Variants in DMD observed in about 807,000 individuals in gnomAD.
The protein encoded by DMD is mutant dystrophin.
A neutral mutation model predicts 330.1 loss-of-function variants in DMD; 63 were observed. The observed-to-expected ratio is 0.19, with a 90% confidence interval of 0.16 to 0.24. DMD has a LOEUF of 0.24. DMD is among the 10% of genes least tolerant of loss of function. The pLI is 1.00. For synonymous variants in DMD, 1,223 were observed against 959.8 expected, an observed-to-expected ratio of 1.27 and a Z score of -5.07; for missense variants, 3,344 against 2,684.1, an observed-to-expected ratio of 1.25 and a Z score of -5.43.
chrX:31,798,024 T>C (rs1002563265), intron 50 of DMD, among the ~76,000 whole-genome samples: 3 of 112,182 alleles, frequency 2.7e-5, no homozygotes, highest in Non-Finnish European at 3.8e-5. Flanking sequence ...TTTTTGCTTT[T>C]CTTTTATAGG....
rs180719577 is a variant in DMD at position 31,968,332 on chromosome X, G to A, written c.6614+7C>T. The A allele has an allele frequency of 1.1e-4, 128 of 1,207,069 alleles. No homozygotes were observed. The Middle Eastern group carries it at 1.2e-3, about 11-fold the overall frequency. ...TGTTTTCATTCCTATTAGATCTGTC[G>A]CCCTACCTCTTTTTTCTGTCTGACA... is the stretch of plus-strand genomic sequence containing the variant. On this transcript the variant is annotated splice_region_variant and intron_variant, in intron 45 of 78. Transcript: ENST00000357033.
At chrX:31,883,555 T>C (rs2094107311) in intron 47 of DMD, among the ~76,000 whole-genome samples, 2 of 111,697 alleles carry the variant, frequency 1.8e-5, no homozygotes, top group African/African-American at 6.5e-5. Flanking sequence ...ATGCTACTTC[T>C]ATGAATTTTC....
chrX:33,162,150 A>G (rs2048801141), intron 1 of DMD, among the ~76,000 whole-genome samples: 1 of 112,082 alleles, frequency 8.9e-6, no homozygotes, highest in Non-Finnish European at 1.9e-5. Flanking sequence ...AATTTCAAAG[A>G]ATCTTATATT....
chrX:33,145,772 T>A (rs115729528), intron 1 of DMD, among the ~76,000 whole-genome samples: 1,955 of 110,830 alleles, frequency 0.018, 48 homozygotes, highest in African/African-American at 0.06. Flanking sequence ...TTTTTTAAAA[T>A]CATTTTATTG....
intron 7 of DMD, among the ~76,000 whole-genome samples, chrX:32,744,858 T>C (rs1466153560): frequency 8.9e-6 from 1 of 112,137 alleles, no homozygotes; most frequent in Non-Finnish European, 1.9e-5. Context: ...TTAGAAGAGA[T>C]TACCATCAGG....
chrX:32,598,926 T>C (rs997518409), intron 12 of DMD, among the ~76,000 whole-genome samples: 3 of 111,986 alleles, frequency 2.7e-5, no homozygotes, highest in African/African-American at 9.7e-5. Context: ...AAAGGCTCTC[T>C]ACAGTGACTA....
At chrX:32,789,082 T>C (rs898700583) in intron 7 of DMD, among the ~76,000 whole-genome samples, 2 of 111,952 alleles carry the variant, frequency 1.8e-5, no homozygotes, top group Non-Finnish European at 3.8e-5. Context: ...AGAGTACCAT[T>C]CTATCACAAA....
Position 31,721,734 on chromosome X carries a change from A to ATATATATC in DMD, c.7660+7896_7660+7897insGATATATA, listed in dbSNP as rs1556846300. On this transcript the variant is annotated intron_variant, in intron 52 of 78. Coordinates refer to ENST00000357033, the MANE Select transcript of DMD (RefSeq NM_004006.3). ...TCTCTCTCTCTATATATATATATAT[A>ATATATATC]TATATATATATCTCCTAATTATTAG... Among the ~76,000 whole-genome samples the ATATATATC allele has an allele frequency of 4.3e-4, 40 of 92,610 alleles. 1 individual carries two copies. The highest frequency in any genetic ancestry group is 1.1e-3 in the South Asian group (2 of 1,867). The allele number at this position is 92,610 out of a possible 115,157, so 80.4% of individuals were successfully genotyped here.
At chrX:32,790,480 A>G (rs1311419609) in intron 7 of DMD, among the ~76,000 whole-genome samples, 1 of 111,604 alleles carries the variant, frequency 9.0e-6, no homozygotes. Context: ...GGGTTCCACA[A>G]ACTCTAGAGT....
intron 1 of DMD, among the ~76,000 whole-genome samples, chrX:33,061,195 G>A (rs547965537): frequency 2.7e-5 from 3 of 112,162 alleles, no homozygotes; most frequent in African/African-American, 9.7e-5. Flanking sequence ...CTCTTGTTAC[G>A]TTATTCTCTT....
intron 44 of DMD, among the ~76,000 whole-genome samples, chrX:32,110,455 T>A (rs889142103): frequency 1.8e-5 from 2 of 112,017 alleles, no homozygotes; most frequent in African/African-American, 6.5e-5. Context: ...CAACAGTGTG[T>A]GATAGTCAAT....
intron 17 of DMD, among the ~76,000 whole-genome samples, chrX:32,524,308 C>A: frequency 8.9e-6 from 1 of 111,812 alleles, no homozygotes; most frequent in Non-Finnish European, 1.9e-5. Context: ...CCTTTTAAAA[C>A]GGTCAAATGT....
At chrX:31,893,959 T>C (rs1325795450) in intron 47 of DMD, among the ~76,000 whole-genome samples, 2 of 111,401 alleles carry the variant, frequency 1.8e-5, no homozygotes, top group South Asian at 3.8e-4. Flanking sequence ...TGGAGGAGTA[T>C]ACACAGCCCT....
At chrX:32,728,357 A>G (rs1178983816) in intron 7 of DMD, among the ~76,000 whole-genome samples, 1 of 111,720 alleles carries the variant, frequency 9.0e-6, no homozygotes, top group Non-Finnish European at 1.9e-5. Context: ...GGCAAAATAT[A>G]ATATTTTTAA....
At chrX:32,807,950 AAAC>A (rs1358936745) in intron 7 of DMD, among the ~76,000 whole-genome samples, 2 of 112,376 alleles carry the variant, frequency 1.8e-5, no homozygotes. Flanking sequence ...ATTCAATAAA[AAAC>A]AAACATATTA....
chrX:31,472,690 G>A (rs1195401876), intron 59 of DMD, among the ~76,000 whole-genome samples: 1 of 112,218 alleles, frequency 8.9e-6, no homozygotes, highest in East Asian at 2.8e-4. Flanking sequence ...AACTTTAGAT[G>A]TGAATGCTGA....
At chrX:32,289,909 T>A (rs1001850956) in intron 42 of DMD, among the ~76,000 whole-genome samples, 1 of 111,881 alleles carries the variant, frequency 8.9e-6, no homozygotes, top group East Asian at 2.8e-4. Context: ...CTGCACTGCC[T>A]ACGGAGTGGC....
intron 43 of DMD, among the ~76,000 whole-genome samples, chrX:32,222,083 C>A (rs928475176): frequency 1.3e-4 from 15 of 111,873 alleles, no homozygotes; most frequent in African/African-American, 4.9e-4. Context: ...ATAATGAATT[C>A]TCTTCCTCTA....
At chrX:31,753,820 G>T (rs1214125110) in intron 51 of DMD, among the ~76,000 whole-genome samples, 1 of 111,760 alleles carries the variant, frequency 8.9e-6, no homozygotes, top group East Asian at 2.8e-4. Flanking sequence ...CAAAGGAAAA[G>T]AACTGCAAAC....
Sources: allele counts gnomAD v4.1 joint callset (sites outside exome capture counted in the v4.1 genomes callset), GRCh38; gene constraint gnomAD v4.1.1; transcripts MANE v1.5; gene names NCBI Gene and HGNC (gene_info 2026-07-23, HGNC 2026-07-21).